The following EPB41L4A variants were observed in gnomAD, a reference collection of about 807,000 sequenced individuals.
The protein encoded by EPB41L4A is erythrocyte membrane protein band 4.1 like 4A.
In EPB41L4A, 100 loss-of-function variants were observed where a neutral mutation model predicts 108.6. That is an observed-to-expected ratio of 0.92 (90% CI 0.78 to 1.09). EPB41L4A has a LOEUF of 1.09. EPB41L4A is among the 50% of genes least tolerant of loss of function. The pLI is 0.00. For synonymous variants in EPB41L4A, 319 were observed against 289.0 expected (o/e 1.10, Z -1.05); for missense variants, 1,030 against 842.7 (o/e 1.22, Z -2.75).
intron 18 of EPB41L4A, among the ~76,000 whole-genome samples, chr5:112,182,483 T>C (rs1761207363): frequency 6.6e-6 from 1 of 152,248 alleles, no homozygotes; most frequent in Non-Finnish European, 1.5e-5. Flanking sequence ...TCAAAACTTA[T>C]ATATAGGACT....
chr5:112,205,709 CT>C (rs1167265752), intron 13 of EPB41L4A, among the ~76,000 whole-genome samples: 1 of 150,442 alleles, frequency 6.6e-6, no homozygotes, highest in Non-Finnish European at 1.5e-5. Flanking sequence ...TTTCCCCCCT[CT>C]TTCTTTCTAG....
In EPB41L4A at chr5:112,165,206, AAATTT is replaced by A. The variant is rs1228098541; in HGVS notation, c.1933-93_1933-89del. 6.1e-6 allele frequency: 6 copies of A among 987,684 alleles called. No individual in the cohort carries two copies. The African/African-American group carries it at 8.3e-5, about 14-fold the overall frequency. 61.2% of individuals were successfully genotyped at this position (987,684 alleles called of 1,614,324 possible). ...TTACATCAGAAACCAAGCTGCTCTT[AAATTT>A]AAGATACTGAGTTAATTCAAAAGTT... On this transcript the variant is annotated intron_variant, in intron 22 of 22. Transcript: ENST00000261486.
intron 13 of EPB41L4A, chr5:112,205,991 G>A (rs2162733): frequency 0.056 from 8,689 of 154,868 alleles, 643 homozygotes; most frequent in East Asian, 0.22. Context: ...CCTGGCTTCC[G>A]CCTTATCTTG....
intron 6 of EPB41L4A, 83 bp from the exon 7 acceptor site, chr5:112,262,664 A>C: frequency 1.8e-6 from 2 of 1,111,000 alleles, no homozygotes; most frequent in South Asian, 2.7e-5. Flanking sequence ...CATTGTATTC[A>C]ATGGGAAAAC....
At chr5:112,389,053 G>C (rs1312112145) in intron 1 of EPB41L4A, among the ~76,000 whole-genome samples, 3 of 151,940 alleles carry the variant, frequency 2.0e-5, no homozygotes, top group Non-Finnish European at 4.4e-5. Context: ...CCCAGGAGAG[G>C]AATTGTTGGA....
upstream of EPB41L4A, chr5:112,419,313 T>C (rs572149397): frequency 7.6e-4 from 263 of 345,398 alleles, no homozygotes; most frequent in Middle Eastern, 3.4e-3. Context: ...CCGCGCATCC[T>C]GCGGCTCGAG....
At chr5:112,345,715 G>A (rs557372010) in intron 1 of EPB41L4A, among the ~76,000 whole-genome samples, 10 of 150,726 alleles carry the variant, frequency 6.6e-5, no homozygotes, top group Admixed American at 2.7e-4. Context: ...GTGTGCACAC[G>A]CATGCAGTGT....
intron 1 of EPB41L4A, among the ~76,000 whole-genome samples, chr5:112,406,820 A>G (rs923161689): frequency 3.9e-5 from 6 of 152,108 alleles, no homozygotes; most frequent in African/African-American, 1.2e-4. Flanking sequence ...CAGAGAGAAG[A>G]GTCTAGGCCC....
rs148008625 is a variant in EPB41L4A at position 112,368,149 on chromosome 5, A to G, written c.99+50792T>C. ...TCGTAGCTTTTAAGTCTTTTATTAT[A>G]TTATTACTCAACTTATTATCTTTAA... On this transcript the variant is annotated intron_variant, in intron 1 of 22. Transcript: ENST00000261486. 2.8e-3 allele frequency among the ~76,000 whole-genome samples: 421 copies of G among 152,332 alleles called. 1 individual carries two copies. The highest frequency in any genetic ancestry group is 9.2e-3 in the African/African-American group (383 of 41,582).
intron 4 of EPB41L4A, 198 bp downstream of exon 4, chr5:112,275,128 C>A (rs1752535352): frequency 3.7e-6 from 2 of 547,020 alleles, no homozygotes; most frequent in African/African-American, 4.0e-5. Flanking sequence ...CAGGTTCACG[C>A]CATTTTCAAA....
chr5:112,408,975 A>T (rs1426945869), intron 1 of EPB41L4A, among the ~76,000 whole-genome samples: 1 of 152,120 alleles, frequency 6.6e-6, no homozygotes, highest in Non-Finnish European at 1.5e-5. Flanking sequence ...ACACAAGAGT[A>T]ATTAAAGCAT....
At chr5:112,202,674 C>G (rs1377300964) in intron 15 of EPB41L4A, among the ~76,000 whole-genome samples, 1 of 152,090 alleles carries the variant, frequency 6.6e-6, no homozygotes, top group African/African-American at 2.4e-5. Flanking sequence ...GTAATATAGA[C>G]CCTTCTCTTC....
intron 11 of EPB41L4A, among the ~76,000 whole-genome samples, chr5:112,239,168 A>C (rs546983752): frequency 6.6e-6 from 1 of 152,336 alleles, no homozygotes; most frequent in Non-Finnish European, 1.5e-5. Flanking sequence ...CATGTATCAC[A>C]GTACACAGCA....
intron 1 of EPB41L4A, among the ~76,000 whole-genome samples, chr5:112,371,503 T>A (rs1001889413): frequency 2.0e-5 from 3 of 152,144 alleles, no homozygotes; most frequent in Admixed American, 2.0e-4. Context: ...GAGGACTCAG[T>A]TGCCTGCCTT....
chr5:112,147,409 G>A (rs1759300264), intron 12 of EPB41L4A, among the ~76,000 whole-genome samples: 1 of 152,028 alleles, frequency 6.6e-6, no homozygotes, highest in South Asian at 2.1e-4. Flanking sequence ...GGAGGCCGAG[G>A]CAGGCGGATC....
intron 13 of EPB41L4A, among the ~76,000 whole-genome samples, chr5:112,208,013 C>G (rs1044175482): frequency 1.3e-5 from 2 of 152,068 alleles, no homozygotes; most frequent in Non-Finnish European, 2.9e-5. Context: ...TTTGGGATGC[C>G]AAGGCAGGCG....
chr5:112,399,480 C>T (rs540115611), intron 1 of EPB41L4A, among the ~76,000 whole-genome samples: 1 of 152,332 alleles, frequency 6.6e-6, no homozygotes, highest in South Asian at 2.1e-4. Flanking sequence ...CACTGCCTGG[C>T]ACCTGGAAGG....
At chr5:112,364,713 A>C (rs1483154664) in intron 1 of EPB41L4A, among the ~76,000 whole-genome samples, 1 of 152,130 alleles carries the variant, frequency 6.6e-6, no homozygotes, top group Non-Finnish European at 1.5e-5. Flanking sequence ...ACATCTAAAA[A>C]CTCTTTTCAG....
intron 1 of EPB41L4A, among the ~76,000 whole-genome samples, chr5:112,325,366 A>G (rs1418916840): frequency 2.0e-5 from 3 of 151,908 alleles, no homozygotes; most frequent in Non-Finnish European, 4.4e-5. Flanking sequence ...GCATGAACCC[A>G]AGAGGTGGAG....
Sources: gnomAD v4.1 joint callset for allele counts (sites outside exome capture counted in the v4.1 genomes callset) on GRCh38, gnomAD v4.1.1 for gene constraint, MANE v1.5 for transcripts, NCBI Gene and HGNC (gene_info 2026-07-23, HGNC 2026-07-21) for gene names.